EEFSEC: variants seen among roughly 807,000 people sequenced by gnomAD.
The protein encoded by EEFSEC is eukaryotic elongation factor, selenocysteine-tRNA specific, also known as selenocysteine-specific elongation factor.
EEFSEC carries 43 observed loss-of-function variants against 42.1 expected under a neutral mutation model. The observed-to-expected ratio is 1.02, with a 90% confidence interval of 0.80 to 1.32. EEFSEC has a LOEUF of 1.32. Among genes scored for constraint, EEFSEC ranks in the 40% most tolerant of loss-of-function variants. The probability of loss-of-function intolerance (pLI) is 0.00; values close to 1 mark genes in which losing one functional copy is unlikely to be tolerated. For synonymous variants in EEFSEC, 354 were observed against 339.1 expected (o/e 1.04, Z -0.48); for missense variants, 745 against 803.6 (o/e 0.93, Z 0.88).
chr3:128,292,216 G>A (rs912178194), intron 4 of EEFSEC, among the ~76,000 whole-genome samples: 1 of 151,900 alleles, frequency 6.6e-6, no homozygotes, highest in Non-Finnish European at 1.5e-5. Flanking sequence ...GCTGGATTTT[G>A]ATTTTACATT....
At chr3:128,372,318 TG>T (rs2067663273) in intron 6 of EEFSEC, among the ~76,000 whole-genome samples, 1 of 152,186 alleles carries the variant, frequency 6.6e-6, no homozygotes, top group African/African-American at 2.4e-5. Flanking sequence ...GATCTTGGCT[TG>T]GGCAGTTCTG....
At chr3:128,356,348 G>A (rs1370601520) in intron 5 of EEFSEC, among the ~76,000 whole-genome samples, 1 of 152,152 alleles carries the variant, frequency 6.6e-6, no homozygotes, top group Non-Finnish European at 1.5e-5. Context: ...TTATTTCTCA[G>A]TCAGATGTAA....
At chr3:128,361,508 A>G (rs1274123804) in intron 6 of EEFSEC, among the ~76,000 whole-genome samples, 1 of 152,230 alleles carries the variant, frequency 6.6e-6, no homozygotes, top group Non-Finnish European at 1.5e-5. Context: ...TAGAAAGGAC[A>G]CTTGGCCCTC....
At chr3:128,326,685 A>G (rs1045870338) in intron 4 of EEFSEC, among the ~76,000 whole-genome samples, 2 of 152,208 alleles carry the variant, frequency 1.3e-5, no homozygotes, top group African/African-American at 4.8e-5. Context: ...GTAGACTGTC[A>G]GTCTGTATTG....
At chr3:128,252,752 T>G (rs1362265301) in intron 2 of EEFSEC, among the ~76,000 whole-genome samples, 1 of 152,226 alleles carries the variant, frequency 6.6e-6, no homozygotes, top group Non-Finnish European at 1.5e-5. Context: ...AAACTTTTTT[T>G]GTGTGCTAAC....
intron 6 of EEFSEC, among the ~76,000 whole-genome samples, chr3:128,364,787 C>T (rs1426069882): frequency 6.6e-6 from 1 of 152,218 alleles, no homozygotes; most frequent in East Asian, 1.9e-4. Context: ...GAGCACCTCC[C>T]AAACCCTGTC....
intron 4 of EEFSEC, among the ~76,000 whole-genome samples, chr3:128,279,406 G>A (rs1485423710): frequency 6.6e-6 from 1 of 152,226 alleles, no homozygotes; most frequent in Non-Finnish European, 1.5e-5. Flanking sequence ...CAGCTGTGAT[G>A]ACCACAAGTG....
chr3:128,356,734 G>C (rs1212747206), intron 5 of EEFSEC, among the ~76,000 whole-genome samples: 1 of 152,160 alleles, frequency 6.6e-6, no homozygotes, highest in Non-Finnish European at 1.5e-5. Context: ...TTCCTTCTGT[G>C]TATCCACCTC....
chr3:128,313,908 G>A (rs2066916648), intron 4 of EEFSEC, among the ~76,000 whole-genome samples: 2 of 152,214 alleles, frequency 1.3e-5, no homozygotes, highest in Non-Finnish European at 2.9e-5. Flanking sequence ...GGCAGCCACT[G>A]CTGCTGCCAT....
At chr3:128,163,886 C>T (rs1161230436) in intron 1 of EEFSEC, among the ~76,000 whole-genome samples, 2 of 151,224 alleles carry the variant, frequency 1.3e-5, no homozygotes, top group African/African-American at 2.4e-5. Context: ...CCTCTTGCCT[C>T]AGCCTCCCAA....
intron 1 of EEFSEC, among the ~76,000 whole-genome samples, chr3:128,213,313 C>T (rs374772549): frequency 2.0e-4 from 31 of 152,256 alleles, no homozygotes; most frequent in East Asian, 1.9e-3. Flanking sequence ...TTAGCTGTGA[C>T]GGGAAGAAAG....
intron 6 of EEFSEC, among the ~76,000 whole-genome samples, chr3:128,384,340 C>A (rs981178726): frequency 1.3e-5 from 2 of 152,234 alleles, no homozygotes; most frequent in African/African-American, 2.4e-5. Context: ...CCTGATGGAG[C>A]CTCCAGAAGA....
chr3:128,174,251 A>C (rs2065326675), intron 1 of EEFSEC, among the ~76,000 whole-genome samples: 1 of 152,210 alleles, frequency 6.6e-6, no homozygotes, highest in African/African-American at 2.4e-5. Context: ...ACTAACACAA[A>C]TAGACTGTGC....
chr3:128,314,501 AC>A (rs2066924307), intron 4 of EEFSEC, among the ~76,000 whole-genome samples: 1 of 151,920 alleles, frequency 6.6e-6, no homozygotes, highest in Admixed American at 6.6e-5. Flanking sequence ...GCACCACCAC[AC>A]CTGGCTCATT....
At chr3:128,394,732 G>C (rs948988147) in intron 6 of EEFSEC, among the ~76,000 whole-genome samples, 1 of 152,098 alleles carries the variant, frequency 6.6e-6, no homozygotes, top group African/African-American at 2.4e-5. Flanking sequence ...GGGGCTGTCT[G>C]AGGAGGAGGG....
Position 128,341,740 on chromosome 3 carries a change from A to G in EEFSEC, c.1294A>G (p.Arg432Gly). Residue 432 changes from arginine (R) to glycine (G), a missense_variant, in exon 5 of 7, where the codon AGG becomes GGG. Coordinates refer to ENST00000254730, the MANE Select transcript of EEFSEC (RefSeq NM_021937.5). Reference sequence around the variant, plus strand: ...TCGGCTGTGCCTGGTGATTGGCTCCAGGCTAGATGCGGACATTCACACCAA... The same window carrying G: ...TCGGCTGTGCCTGGTGATTGGCTCCGGGCTAGATGCGGACATTCACACCAA... ...CPRLCLVIGS[R>G]LDADIHTNTC... The G allele has an allele frequency of 1.2e-6, 2 of 1,614,128 alleles. No homozygotes were observed. Among genetic ancestry groups the G allele is most frequent in the Non-Finnish European group, 1.7e-6 (2 of 1,180,034 alleles).
intron 6 of EEFSEC, among the ~76,000 whole-genome samples, chr3:128,378,707 C>T (rs1397441776): frequency 2.0e-5 from 3 of 152,180 alleles, no homozygotes; most frequent in Admixed American, 1.3e-4. Flanking sequence ...GTGCCTGACA[C>T]CCCCAGGCTG....
chr3:128,185,872 T>C (rs1253379854), intron 1 of EEFSEC, among the ~76,000 whole-genome samples: 1 of 152,236 alleles, frequency 6.6e-6, no homozygotes, highest in Non-Finnish European at 1.5e-5. Flanking sequence ...TTTTCACTTT[T>C]TGATTATTAT....
At chr3:128,283,236 G>A (rs911724369) in intron 4 of EEFSEC, among the ~76,000 whole-genome samples, 17 of 151,968 alleles carry the variant, frequency 1.1e-4, no homozygotes, top group Non-Finnish European at 1.6e-4. Flanking sequence ...CCAGCAGAAA[G>A]CTTGAGGATA....
Sources: gnomAD v4.1 joint callset for allele counts (sites outside exome capture counted in the v4.1 genomes callset) on GRCh38, gnomAD v4.1.1 for gene constraint, MANE v1.5 for transcripts, NCBI Gene and HGNC (gene_info 2026-07-23, HGNC 2026-07-21) for gene names.